Variants in TRAPPC13 observed in about 807,000 individuals in gnomAD.
TRAPPC13 encodes trafficking protein particle complex subunit 13, also known as REV7-interacting novel NHEJ regulator 1.
In TRAPPC13, 39 loss-of-function variants were observed where a neutral mutation model predicts 54.0. The ratio of observed to expected loss-of-function variants is 0.72; its 90% CI spans 0.56 to 0.94. The LOEUF (loss-of-function observed/expected upper bound fraction) is 0.94, where lower values mean the gene tolerates loss of function less well. Among genes scored for constraint, TRAPPC13 ranks in the 40% least tolerant of loss-of-function variants. The pLI is 0.00. For missense variants in TRAPPC13, 386 were observed against 488.1 expected, an observed-to-expected ratio of 0.79 and a Z score of 1.97; for synonymous variants, 148 against 167.7, an observed-to-expected ratio of 0.88 and a Z score of 0.91.
intron 1 of TRAPPC13, chr5:65,629,895 C>T: frequency 6.5e-7 from 1 of 1,536,074 alleles, no homozygotes; most frequent in Non-Finnish European, 8.7e-7. Flanking sequence ...CAGCATTTAA[C>T]CTGGTCACAC....
At chr5:65,635,477 G>A (rs985125717) in intron 2 of TRAPPC13, 108 bp downstream of exon 2, 20 of 864,562 alleles carry the variant, frequency 2.3e-5, no homozygotes, top group African/African-American at 1.4e-4. Flanking sequence ...CTAACCATTT[G>A]CTGGATTCTT....
Position 65,664,235 on chromosome 5 carries a change from A to C in TRAPPC13, c.999-2A>C. 1 of 1,613,208 alleles carries C rather than the reference A, an allele frequency of 6.2e-7. No individual in the cohort carries two copies. The highest frequency in any genetic ancestry group is 8.5e-7 in the Non-Finnish European group (1 of 1,179,528). ...TTCCTATTATTCTGATTCCTCCAGC[A>C]GTGAAAGGACTATGGATCTGGTTTT... is the stretch of plus-strand genomic sequence containing the variant. On this transcript the variant is annotated splice_acceptor_variant, in intron 11 of 12. Coordinates refer to ENST00000399438, the MANE Select transcript of TRAPPC13 (RefSeq NM_024941.4). LOFTEE classifies it high-confidence loss of function.
chr5:65,632,457 T>C (rs1225045517), intron 1 of TRAPPC13, among the ~76,000 whole-genome samples: 1 of 152,198 alleles, frequency 6.6e-6, no homozygotes, highest in African/African-American at 2.4e-5. Context: ...TGAATTCCCA[T>C]GGGGTATTTC....
chr5:65,651,405 T>C (rs1481461246), intron 6 of TRAPPC13, among the ~76,000 whole-genome samples: 1 of 152,182 alleles, frequency 6.6e-6, no homozygotes, highest in Non-Finnish European at 1.5e-5. Context: ...CTTGTTTTTA[T>C]GGCCTGAGAA....
chr5:65,625,346 A>G, intron 1 of TRAPPC13: 1 of 432,870 alleles, frequency 2.3e-6, no homozygotes. Context: ...TGCTTCAGTC[A>G]CGAGATTTTA....
At chr5:65,625,697 G>A (rs998139656) in intron 1 of TRAPPC13, among the ~76,000 whole-genome samples, 1 of 151,880 alleles carries the variant, frequency 6.6e-6, no homozygotes, top group African/African-American at 2.4e-5. Flanking sequence ...TCATTATTTA[G>A]GAAAAAACAG....
In TRAPPC13 at chr5:65,649,687, G is replaced by C. The variant is rs1317551457; in HGVS notation, c.429-1123G>C. On this transcript the variant is annotated intron_variant, in intron 5 of 12. Transcript: ENST00000399438. ...TTGGTGTTTTGCTTATTAACTTATG[G>C]GAACCCTTTGTCATATTAAGTATTA... Among the ~76,000 whole-genome samples the C allele has an allele frequency of 3.3e-5, 5 of 151,906 alleles. No individual in the cohort carries two copies. In the East Asian group the frequency reaches 9.6e-4, roughly 29 times the overall value.
intron 4 of TRAPPC13, among the ~76,000 whole-genome samples, chr5:65,645,606 C>T (rs989173943): frequency 9.9e-5 from 15 of 152,144 alleles, no homozygotes; most frequent in African/African-American, 3.1e-4. Context: ...AGATCAAGAC[C>T]ATCCTGGCTA....
intron 1 of TRAPPC13, among the ~76,000 whole-genome samples, chr5:65,632,074 C>T (rs903881240): frequency 6.6e-6 from 1 of 151,894 alleles, no homozygotes; most frequent in Non-Finnish European, 1.5e-5. Context: ...GGTGAAACTC[C>T]GTCTCTACAA....
intron 7 of TRAPPC13, among the ~76,000 whole-genome samples, chr5:65,653,878 A>G (rs911733035): frequency 2.0e-5 from 3 of 152,156 alleles, no homozygotes; most frequent in African/African-American, 7.2e-5. Context: ...TTTGTTATTA[A>G]TACCACACTG....
At chr5:65,630,757 C>T in intron 1 of TRAPPC13, 1 of 786,032 alleles carries the variant, frequency 1.3e-6, no homozygotes, top group Non-Finnish European at 1.5e-6. Context: ...GGAGACTAGT[C>T]TAGATTTATA....
intron 8 of TRAPPC13, among the ~76,000 whole-genome samples, chr5:65,657,090 G>A (rs1485092167): frequency 1.3e-5 from 2 of 150,060 alleles, no homozygotes; most frequent in African/African-American, 4.9e-5. Context: ...GGGGTTGGGG[G>A]AAGCTCATAG....
chr5:65,628,892 A>T (rs1247193616), intron 1 of TRAPPC13, among the ~76,000 whole-genome samples: 1 of 150,804 alleles, frequency 6.6e-6, no homozygotes, highest in Non-Finnish European at 1.5e-5. Context: ...ATCTTGGCTC[A>T]CTGCAACCTC....
At chr5:65,651,858 T>TG (rs1756464479) in intron 6 of TRAPPC13, among the ~76,000 whole-genome samples, 2 of 110,586 alleles carry the variant, frequency 1.8e-5, no homozygotes, top group African/African-American at 8.2e-5. Flanking sequence ...TTTTTTTTTT[T>TG]TTTTTTTTTT....
In TRAPPC13 at chr5:65,658,363, C is replaced by T. The variant is rs1158529228; in HGVS notation, c.565-5C>T. ...CCTTGGTGGATATTTTTTTCATATCCTCAGACTGATGAAGTATTTCTGGAA... is the reference window on the plus strand; with the variant it reads ...CCTTGGTGGATATTTTTTTCATATCTTCAGACTGATGAAGTATTTCTGGAA... On this transcript the variant is annotated splice_polypyrimidine_tract_variant and splice_region_variant and intron_variant, in intron 8 of 12. Transcript: ENST00000399438. 3 of 1,592,068 alleles carry T rather than the reference C, an allele frequency of 1.9e-6. No homozygotes were observed. In the East Asian group the frequency reaches 6.8e-5, roughly 36 times the overall value.
chr5:65,653,236 A>T (rs752439746), intron 7 of TRAPPC13, among the ~76,000 whole-genome samples: 1 of 151,792 alleles, frequency 6.6e-6, no homozygotes, highest in Non-Finnish European at 1.5e-5. Context: ...GAAAAATCAG[A>T]TCTCTTGCTA....
chr5:65,660,666 A>G, intron 9 of TRAPPC13, 33 bp from the exon 10 acceptor site: 1 of 1,521,622 alleles, frequency 6.6e-7, no homozygotes, highest in South Asian at 1.3e-5. Context: ...GATGCTAGAG[A>G]ATTTTCTCCG....
intron 1 of TRAPPC13, among the ~76,000 whole-genome samples, chr5:65,628,687 G>A (rs1323602023): frequency 6.6e-6 from 1 of 151,812 alleles, no homozygotes; most frequent in African/African-American, 2.4e-5. Context: ...GGCCAGGCTG[G>A]TCTCAAGCTC....
At chr5:65,641,872 C>G (rs573882617) in intron 4 of TRAPPC13, among the ~76,000 whole-genome samples, 1 of 140,542 alleles carries the variant, frequency 7.1e-6, no homozygotes, top group African/African-American at 2.6e-5. Flanking sequence ...AACACTTTTT[C>G]TTTTTTTTTT....
Sources: gnomAD v4.1 joint callset for allele counts (sites outside exome capture counted in the v4.1 genomes callset) on GRCh38, gnomAD v4.1.1 for gene constraint, MANE v1.5 for transcripts, NCBI Gene and HGNC (gene_info 2026-07-23, HGNC 2026-07-21) for gene names.